ANO10: variants seen among roughly 807,000 people sequenced by gnomAD.
ANO10 encodes anoctamin 10, also known as anoctamin-10.
A neutral mutation model predicts 74.7 loss-of-function variants in ANO10; 77 were observed. The observed-to-expected ratio is 1.03, with a 90% CI of 0.86 to 1.25. ANO10 has a LOEUF of 1.25. Among genes scored for constraint, ANO10 ranks in the 50% most tolerant of loss-of-function variants. The pLI, the probability that ANO10 is intolerant of heterozygous loss-of-function variation, is 0.00. For synonymous variants in ANO10, 279 were observed against 284.9 expected (o/e 0.98, Z 0.21); for missense variants, 721 against 778.1 (o/e 0.93, Z 0.87).
At chr3:43,407,637 A>C (rs1441993519) in intron 12 of ANO10, among the ~76,000 whole-genome samples, 1 of 152,210 alleles carries the variant, frequency 6.6e-6, no homozygotes, top group Non-Finnish European at 1.5e-5. Flanking sequence ...CTAAGAGAAC[A>C]CAGAGAAGAA....
In ANO10 at chr3:43,433,323, TG is replaced by T. The variant is rs554081235; in HGVS notation, c.1798-597del. Reference sequence around the variant, plus strand: ...GTACCCTCAATGTTTTATAGAAAAATGGCTTATTCTGAAGTCTTCCACAAAC... The same window carrying T: ...GTACCCTCAATGTTTTATAGAAAAATGCTTATTCTGAAGTCTTCCACAAAC... On this transcript the variant is annotated intron_variant, in intron 11 of 12. Coordinates refer to ENST00000292246, the MANE Select transcript of ANO10 (RefSeq NM_018075.5). 4.8e-4 allele frequency among the ~76,000 whole-genome samples: 73 copies of T among 152,226 alleles called. No homozygotes were observed. In the South Asian group the frequency reaches 0.014, roughly 29 times the overall value.
At chr3:43,671,452 G>A (rs1021424546) in intron 1 of ANO10, among the ~76,000 whole-genome samples, 2 of 152,118 alleles carry the variant, frequency 1.3e-5, no homozygotes, top group African/African-American at 2.4e-5. Flanking sequence ...GAAGCTCTAG[G>A]AGACTCAAGG....
intron 3 of ANO10, among the ~76,000 whole-genome samples, 155 bp downstream of exon 3, chr3:43,600,229 T>C (rs1575521408): frequency 6.6e-6 from 1 of 152,240 alleles, no homozygotes; most frequent in African/African-American, 2.4e-5. Context: ...AATGGCAGTG[T>C]TGAGTAATTG....
intron 4 of ANO10, among the ~76,000 whole-genome samples, chr3:43,593,661 C>T (rs973605024): frequency 2.0e-5 from 3 of 151,010 alleles, no homozygotes; most frequent in African/African-American, 7.3e-5. Context: ...AAAACATGCC[C>T]AACTGTAAAG....
chr3:43,668,280 TG>T (rs769051008), intron 1 of ANO10, among the ~76,000 whole-genome samples: 26 of 152,050 alleles, frequency 1.7e-4, no homozygotes, highest in Admixed American at 8.5e-4. Flanking sequence ...TTTATGGGAT[TG>T]TTTTTTTTTT....
At chr3:43,547,763 TAAG>T (rs945437731) in intron 11 of ANO10, among the ~76,000 whole-genome samples, 120 of 152,268 alleles carry the variant, frequency 7.9e-4, no homozygotes, top group African/African-American at 2.7e-3. Flanking sequence ...CCGAATTAAG[TAAG>T]AAGAACCAGG....
intron 1 of ANO10, among the ~76,000 whole-genome samples, chr3:43,670,613 C>T (rs1193655781): frequency 1.3e-5 from 2 of 152,100 alleles, no homozygotes; most frequent in African/African-American, 4.8e-5. Context: ...AACTAATTTA[C>T]AAATTTATTT....
At chr3:43,638,244 CAAGT>C (rs1479502810) in intron 1 of ANO10, among the ~76,000 whole-genome samples, 1 of 152,114 alleles carries the variant, frequency 6.6e-6, no homozygotes, top group African/African-American at 2.4e-5. Context: ...ATAATTTTCA[CAAGT>C]AAGAAATAGA....
chr3:43,562,455 C>CAAAAAAAAA lies in ANO10; in HGVS notation c.1294-1062_1294-1054dup, dbSNP rs1169816392. The stretch of plus-strand genomic sequence containing the variant: ...CGGCAGAACGAGGCTCTGTCTCAAA[C>CAAAAAAAAA]AAAAAAAAAAAAAAAAGAAGTTTGA... On this transcript the variant is annotated intron_variant, in intron 8 of 12. Coordinates refer to ENST00000292246, the MANE Select transcript of ANO10 (RefSeq NM_018075.5). Among the ~76,000 whole-genome samples the CAAAAAAAAA allele has an allele frequency of 2.8e-3, 198 of 69,840 alleles. 22 individuals carry two copies. The highest frequency in any genetic ancestry group is 5.5e-3 in the African/African-American group (83 of 15,110). The allele number at this position is 69,840 out of a possible 152,430, so 45.8% of individuals were successfully genotyped here. A position where few individuals can be genotyped will look rare whatever the true frequency, so the allele number is the denominator to read the frequency against.
At chr3:43,401,808 T>C (rs2092486274) in intron 12 of ANO10, among the ~76,000 whole-genome samples, 1 of 152,234 alleles carries the variant, frequency 6.6e-6, no homozygotes, top group South Asian at 2.1e-4. Context: ...CTTTGGAGCA[T>C]CCAAAAGCCA....
intron 5 of ANO10, among the ~76,000 whole-genome samples, chr3:43,578,790 CAGAT>C (rs1449917977): frequency 1.8e-5 from 2 of 114,072 alleles, no homozygotes; most frequent in African/African-American, 3.1e-5. Flanking sequence ...GAGTAGCTAA[CAGAT>C]AGTCACTTTA....
intron 11 of ANO10, among the ~76,000 whole-genome samples, chr3:43,546,072 AATTTTCTATTG>A (rs2079177672): frequency 6.6e-6 from 1 of 152,196 alleles, no homozygotes; most frequent in Non-Finnish European, 1.5e-5. Context: ...TGACACACAA[AATTTTCTATTG>A]AGAAACCAAA....
chr3:43,655,976 T>C (rs1239667050), intron 1 of ANO10, among the ~76,000 whole-genome samples: 381 of 47,362 alleles, frequency 8.0e-3, no homozygotes, highest in Middle Eastern at 0.058. Context: ...GATTGGTGTA[T>C]TTACAATCCC....
intron 12 of ANO10, among the ~76,000 whole-genome samples, chr3:43,414,967 CT>C (rs60554785): frequency 0.016 from 1,045 of 66,522 alleles, no homozygotes; most frequent in South Asian, 0.02. Flanking sequence ...TGTCATTGTG[CT>C]TTTTTTTTTT....
At chr3:43,629,720 T>C (rs1022142954) in intron 1 of ANO10, among the ~76,000 whole-genome samples, 2 of 151,864 alleles carry the variant, frequency 1.3e-5, no homozygotes, top group Admixed American at 1.3e-4. Context: ...GAAAGAGGAG[T>C]CAATTGATAA....
chr3:43,480,770 AAC>A (rs1405247418), intron 11 of ANO10, among the ~76,000 whole-genome samples: 1 of 152,162 alleles, frequency 6.6e-6, no homozygotes, highest in Non-Finnish European at 1.5e-5. Context: ...CAAGGAAAAC[AAC>A]ACAACACACT....
intron 12 of ANO10, among the ~76,000 whole-genome samples, chr3:43,387,296 C>T (rs1004414733): frequency 3.9e-5 from 6 of 152,202 alleles, no homozygotes; most frequent in African/African-American, 9.6e-5. Context: ...TTGACCAAAA[C>T]GTCGTCACAC....
At chr3:43,678,761 C>A (rs2084155713) in intron 1 of ANO10, among the ~76,000 whole-genome samples, 1 of 151,036 alleles carries the variant, frequency 6.6e-6, no homozygotes, top group Non-Finnish European at 1.5e-5. Context: ...CATACTCCTA[C>A]AGTAAAGTCA....
At chr3:43,575,361 G>T (rs760230055) in intron 6 of ANO10, among the ~76,000 whole-genome samples, 1 of 152,130 alleles carries the variant, frequency 6.6e-6, no homozygotes, top group African/African-American at 2.4e-5. Flanking sequence ...ATGACAAAAA[G>T]GAAGATTCTG....
Sources: allele counts gnomAD v4.1 joint callset (sites outside exome capture counted in the v4.1 genomes callset), GRCh38; gene constraint gnomAD v4.1.1; transcripts MANE v1.5; gene names NCBI Gene and HGNC (gene_info 2026-07-23, HGNC 2026-07-21).